The following MCF2 variants were observed in gnomAD, a reference collection of about 807,000 sequenced individuals.
MCF2 encodes MCF.2 cell line derived transforming sequence.
Under a neutral mutation model 82.5 loss-of-function variants are expected in MCF2, and 44 were observed. That is an observed-to-expected ratio of 0.53 (90% CI 0.42 to 0.69). MCF2 has a LOEUF of 0.69. Among genes scored for constraint, MCF2 ranks in the 30% least tolerant of loss-of-function variants. The probability of loss-of-function intolerance (pLI) is 0.00; values close to 1 mark genes in which losing one functional copy is unlikely to be tolerated. For synonymous variants in MCF2, 217 were observed against 224.9 expected, an observed-to-expected ratio of 0.96 and a Z score of 0.32; for missense variants, 623 against 663.1, an observed-to-expected ratio of 0.94 and a Z score of 0.66.
intron 24 of MCF2, among the ~76,000 whole-genome samples, chrX:139,584,550 C>G (rs750831852): frequency 9.9e-5 from 11 of 111,666 alleles, no homozygotes; most frequent in Non-Finnish European, 1.7e-4. Context: ...CTTAAAGCAA[C>G]CTCCTTTAAT....
intron 2 of MCF2, among the ~76,000 whole-genome samples, 195 bp downstream of exon 5, chrX:139,632,140 T>C (rs1932956956): frequency 9.0e-6 from 1 of 111,463 alleles, no homozygotes; most frequent in Non-Finnish European, 1.9e-5. Flanking sequence ...AATTGCTTTG[T>C]TATAAATTGA....
chrX:139,663,131 C>T (rs749411930), intron 1 of MCF2, among the ~76,000 whole-genome samples: 24 of 112,168 alleles, frequency 2.1e-4, no homozygotes, highest in Non-Finnish European at 3.8e-4. Context: ...TATTCATATA[C>T]TGATTTCTTT....
At chrX:139,655,459 C>T (rs2148532668) in intron 1 of MCF2, among the ~76,000 whole-genome samples, 1 of 111,830 alleles carries the variant, frequency 8.9e-6, no homozygotes, top group East Asian at 2.8e-4. Context: ...ATGCTACTGA[C>T]TTTTGTACGT....
chrX:139,670,609 A>G (rs2074939052), intron 1 of MCF2, among the ~76,000 whole-genome samples: 1 of 111,041 alleles, frequency 9.0e-6, no homozygotes, highest in South Asian at 3.9e-4. Context: ...GATGATTTCC[A>G]GCTTCATCCA....
chrX:139,701,095 A>T (rs1267640443), intron 1 of MCF2, among the ~76,000 whole-genome samples: 1 of 112,048 alleles, frequency 8.9e-6, no homozygotes, highest in Non-Finnish European at 1.9e-5. Context: ...GGGAAATTGA[A>T]GGCCCTCTGG....
At chrX:139,621,376 C>G (rs1430600718) in intron 6 of MCF2, among the ~76,000 whole-genome samples, 1 of 111,885 alleles carries the variant, frequency 8.9e-6, no homozygotes, top group African/African-American at 3.2e-5. Flanking sequence ...AGAGCTTCTG[C>G]ATAACCAAAG....
At position 139,650,170 on chromosome X, in the gene MCF2, C is replaced by G. The variant is rs1029730217; in HGVS notation, c.25+1550G>C. On this transcript the variant is annotated intron_variant, in intron 2 of 27. Transcript: ENST00000414978. ...AGGAGTTCAAGACCAGCCTAGGCAACATAGCAAAACCCTTTTGCTACAAAA... is the reference window on the plus strand; with the variant it reads ...AGGAGTTCAAGACCAGCCTAGGCAAGATAGCAAAACCCTTTTGCTACAAAA... Among the ~76,000 whole-genome samples the G allele has an allele frequency of 3.6e-5, 4 of 111,136 alleles. No homozygotes were observed. In the East Asian group the frequency reaches 1.1e-3, roughly 31 times the overall value.
At chrX:139,662,844 C>A (rs182764045) in intron 1 of MCF2, among the ~76,000 whole-genome samples, 2 of 111,477 alleles carry the variant, frequency 1.8e-5, no homozygotes, top group East Asian at 5.6e-4. Context: ...TTTTCATGGT[C>A]TACTGCCATG....
chrX:139,672,131 AT>A (rs1349475737), intron 1 of MCF2, among the ~76,000 whole-genome samples: 1 of 112,001 alleles, frequency 8.9e-6, no homozygotes, highest in African/African-American at 3.3e-5. Context: ...TTCTTAGTGT[AT>A]AGGAATGCTT....
chrX:139,685,531 C>A (rs972068429), intron 1 of MCF2, among the ~76,000 whole-genome samples: 1 of 111,096 alleles, frequency 9.0e-6, no homozygotes, highest in Non-Finnish European at 1.9e-5. Context: ...CGATCACGAC[C>A]CTCTCAAGTG....
At chrX:139,586,894 T>C (rs1293172808) in intron 22 of MCF2, among the ~76,000 whole-genome samples, 1 of 111,513 alleles carries the variant, frequency 9.0e-6, no homozygotes, top group Non-Finnish European at 1.9e-5. Context: ...AACCTAAAGA[T>C]GTTACTCCTA....
rs745647493 is a variant in MCF2 at position 139,632,702 on chromosome X, T to A, written c.52-248A>T. Among the ~76,000 whole-genome samples, 209 of 111,523 alleles carry A rather than the reference T, an allele frequency of 1.9e-3. 2 individuals carry two copies. Among genetic ancestry groups the A allele is most frequent in the African/African-American group, 6.5e-3 (199 of 30,795 alleles). On this transcript the variant is annotated intron_variant, in intron 1 of 24. Transcript: ENST00000370576. ...AATTTTCTCACACTAAAGAAGTAGA[T>A]CCAACCTTATGAAGAAATAGACTCT...
At chrX:139,583,597 T>C (rs1189910099) in intron 24 of MCF2, among the ~76,000 whole-genome samples, 1 of 110,849 alleles carries the variant, frequency 9.0e-6, no homozygotes, top group Non-Finnish European at 1.9e-5. Flanking sequence ...TGGGGACTAC[T>C]AGAGGGAGGA....
intron 11 of MCF2, among the ~76,000 whole-genome samples, chrX:139,608,609 T>C (rs1167882922): frequency 1.8e-5 from 2 of 111,397 alleles, no homozygotes; most frequent in East Asian, 5.6e-4. Flanking sequence ...TTGGGACAAC[T>C]AGAACCCAAA....
chrX:139,674,411 T>C (rs974664478), intron 1 of MCF2, among the ~76,000 whole-genome samples: 6 of 112,029 alleles, frequency 5.4e-5, no homozygotes, highest in Non-Finnish European at 1.1e-4. Flanking sequence ...AGTTTCTTCC[T>C]AGCATCGATG....
intron 1 of MCF2, among the ~76,000 whole-genome samples, chrX:139,700,848 G>C (rs1935479107): frequency 8.9e-6 from 1 of 112,107 alleles, no homozygotes; most frequent in Non-Finnish European, 1.9e-5. Flanking sequence ...CCCAGCTTAG[G>C]ATGAGGTGGG....
rs771527918 is a variant in MCF2 at position 139,691,345 on chromosome X, T to G, written c.-45+16761A>C. On this transcript the variant is annotated intron_variant, in intron 1 of 27. Coordinates refer to the MCF2 transcript ENST00000414978. ...CCTTTTTGACTTGGTTTCCTCCACA[T>G]GCGTTATGGGAAAAACAAAAACAAA... 4.2e-3 allele frequency among the ~76,000 whole-genome samples: 470 copies of G among 111,024 alleles called. 4 individuals are homozygous for G. The highest frequency in any genetic ancestry group is 0.014 in the African/African-American group (413 of 30,532).
exon 20 of MCF2, chrX:139,589,904 T>A (rs779852964): frequency 8.5e-7 from 1 of 1,178,541 alleles, no homozygotes; most frequent in Non-Finnish European, 1.1e-6. Flanking sequence ...CTTTTACATA[T>A]TCAGTGATTC....
At chrX:139,622,087 C>T (rs1433265713) in intron 6 of MCF2, among the ~76,000 whole-genome samples, 1 of 111,799 alleles carries the variant, frequency 8.9e-6, no homozygotes, top group Non-Finnish European at 1.9e-5. Flanking sequence ...ACAGACACTT[C>T]TCAAAAGAAG....
Sources: allele counts gnomAD v4.1 joint callset (sites outside exome capture counted in the v4.1 genomes callset), GRCh38; gene constraint gnomAD v4.1.1; transcripts MANE v1.5; gene names NCBI Gene and HGNC (gene_info 2026-07-23, HGNC 2026-07-21).